The following CTNND2 variants were observed in gnomAD, a reference collection of about 807,000 sequenced individuals.
The protein encoded by CTNND2 is catenin delta-2.
In CTNND2, 22 loss-of-function variants were observed where a neutral mutation model predicts 144.4. The ratio of observed to expected loss-of-function variants is 0.15; its 90% confidence interval spans 0.11 to 0.22. CTNND2 has a LOEUF of 0.22. Ranked by LOEUF, CTNND2 falls within the 10% of genes least tolerant of loss-of-function variation. The pLI is 1.00. For missense variants in CTNND2, 1,353 were observed against 1,618.8 expected, an observed-to-expected ratio of 0.84 and a Z score of 2.82; for synonymous variants, 751 against 695.6, an observed-to-expected ratio of 1.08 and a Z score of -1.25.
intron 21 of CTNND2, among the ~76,000 whole-genome samples, chr5:10,980,287 A>G (rs1289287209): frequency 6.6e-6 from 1 of 152,240 alleles, no homozygotes; most frequent in Non-Finnish European, 1.5e-5. Context: ...GCCAACAGAC[A>G]TATGAAAAAA....
At chr5:11,452,955 T>A (rs1025106471) in intron 3 of CTNND2, among the ~76,000 whole-genome samples, 1 of 152,226 alleles carries the variant, frequency 6.6e-6, no homozygotes, top group Non-Finnish European at 1.5e-5. Flanking sequence ...TCAGTGTTAC[T>A]CATTGATGGC....
intron 1 of CTNND2, among the ~76,000 whole-genome samples, chr5:11,861,997 C>T (rs929256819): frequency 3.9e-5 from 6 of 152,172 alleles, no homozygotes; most frequent in Non-Finnish European, 7.4e-5. Flanking sequence ...TCCAACAATG[C>T]CCCTATCATT....
intron 11 of CTNND2, among the ~76,000 whole-genome samples, chr5:11,169,260 A>C (rs931644339): frequency 1.3e-5 from 2 of 152,114 alleles, no homozygotes; most frequent in Non-Finnish European, 2.9e-5. Flanking sequence ...CTTTCAAGGG[A>C]GCATTTTAGA....
intron 2 of CTNND2, among the ~76,000 whole-genome samples, chr5:11,596,764 T>C (rs73054076): frequency 0.047 from 7,182 of 152,200 alleles, 286 homozygotes; most frequent in East Asian, 0.14. Flanking sequence ...GGTGCTGCCT[T>C]GGAGGTGAGG....
intron 2 of CTNND2, among the ~76,000 whole-genome samples, chr5:11,698,288 A>T (rs959171228): frequency 1.6e-4 from 22 of 140,528 alleles, no homozygotes; most frequent in South Asian, 6.8e-4. Flanking sequence ...ACACATTATT[A>T]TTTTTTTTTT....
intron 2 of CTNND2, among the ~76,000 whole-genome samples, chr5:11,587,872 G>A (rs1581568196): frequency 6.6e-6 from 1 of 151,402 alleles, no homozygotes; most frequent in East Asian, 1.9e-4. Context: ...TTCAATCACT[G>A]GTTTCAAAAA....
chr5:11,384,424 G>A lies in CTNND2; in HGVS notation c.1177+241C>T, dbSNP rs7735191. On this transcript the variant is annotated intron_variant, in intron 7 of 21. Transcript: ENST00000304623. The surrounding 1 kb of genome is among the most constrained non-coding windows in gnomAD (Gnocchi z 5.2). ...GAGGGCAGAGAGAGAAGAGAGGAGA[G>A]AAGAGAGTGATATAGGTGTTAGAGA... 2,080 of 547,846 alleles carry A rather than the reference G, an allele frequency of 3.8e-3. 17 individuals carry two copies. Among genetic ancestry groups the A allele is most frequent in the African/African-American group, 0.031 (1,616 of 52,272 alleles). The allele number at this position is 547,846 out of a possible 1,614,324, so 33.9% of individuals were successfully genotyped here.
chr5:11,645,103 C>T (rs1288778819), intron 2 of CTNND2, among the ~76,000 whole-genome samples: 8 of 152,014 alleles, frequency 5.3e-5, no homozygotes, highest in Non-Finnish European at 1.0e-4. Flanking sequence ...ATGGCTGGGA[C>T]TATAAGCGTG....
intron 2 of CTNND2, among the ~76,000 whole-genome samples, chr5:11,711,027 C>T (rs181776337): frequency 6.6e-6 from 1 of 152,148 alleles, no homozygotes; most frequent in African/African-American, 2.4e-5. Flanking sequence ...AAAGAGAAAT[C>T]ACTGAGATTC....
chr5:11,428,166 A>G (rs767501887), intron 3 of CTNND2, among the ~76,000 whole-genome samples: 9 of 152,130 alleles, frequency 5.9e-5, no homozygotes, highest in Non-Finnish European at 1.3e-4. Context: ...TCAAGTTGAG[A>G]CTTGGTGGGG....
chr5:10,986,001 C>G (rs1737898174), intron 20 of CTNND2, among the ~76,000 whole-genome samples: 1 of 152,100 alleles, frequency 6.6e-6, no homozygotes, highest in Non-Finnish European at 1.5e-5. Context: ...TACATAGCAC[C>G]CATTGGCTTT....
chr5:11,014,118 G>A (rs967237927), intron 18 of CTNND2, among the ~76,000 whole-genome samples: 6 of 152,204 alleles, frequency 3.9e-5, no homozygotes, highest in African/African-American at 1.4e-4. Flanking sequence ...CCCAACCAAT[G>A]CAACTACTTC....
chr5:11,537,234 G>T lies in CTNND2; in HGVS notation c.287+27710C>A, dbSNP rs186148789. ...AATTAATTTGACAAATTTGGGAAAG[G>T]CTGGCTCACAGCTATAAAGCACCAC... On this transcript the variant is annotated intron_variant, in intron 3 of 21. Coordinates refer to ENST00000304623, the MANE Select transcript of CTNND2 (RefSeq NM_001332.4). 2.0e-5 allele frequency among the ~76,000 whole-genome samples: 3 copies of T among 152,202 alleles called. No individual in the cohort carries two copies. The East Asian group carries it at 5.8e-4, about 29-fold the overall frequency.
intron 9 of CTNND2, among the ~76,000 whole-genome samples, chr5:11,308,720 A>G (rs149502722): frequency 3.3e-5 from 5 of 152,324 alleles, no homozygotes; most frequent in Non-Finnish European, 7.3e-5. Context: ...GCAAATCCAG[A>G]CAACATTTTT....
At chr5:11,737,635 A>G (rs565235948) in intron 1 of CTNND2, among the ~76,000 whole-genome samples, 1 of 152,288 alleles carries the variant, frequency 6.6e-6, no homozygotes, top group Admixed American at 6.5e-5. Flanking sequence ...AGTGTTACGG[A>G]CAGAACTGTG....
At chr5:11,016,628 A>G (rs1741629756) in intron 18 of CTNND2, among the ~76,000 whole-genome samples, 1 of 152,186 alleles carries the variant, frequency 6.6e-6, no homozygotes. Context: ...GCAAGTGGCC[A>G]GGGGGCTGCA....
chr5:11,094,114 A>C (rs1274315780), intron 15 of CTNND2, among the ~76,000 whole-genome samples: 6 of 152,220 alleles, frequency 3.9e-5, no homozygotes, highest in Non-Finnish European at 7.3e-5. Flanking sequence ...AATATTACTT[A>C]TCAGCCTCTC....
intron 7 of CTNND2, among the ~76,000 whole-genome samples, chr5:11,372,627 T>G (rs1048549500): frequency 6.6e-6 from 1 of 151,986 alleles, no homozygotes; most frequent in African/African-American, 2.4e-5. Flanking sequence ...AACCAATATC[T>G]GTTCTGGGTT....
At position 11,648,873 on chromosome 5, in the gene CTNND2, T is replaced by A. The variant is rs2126529664; in HGVS notation, c.174+83263A>T. Among the ~76,000 whole-genome samples, 2 of 152,350 alleles carry A rather than the reference T, an allele frequency of 1.3e-5. 1 individual carries two copies. The highest frequency in any genetic ancestry group is 4.1e-4 in the South Asian group (2 of 4,822). Reference sequence around the variant, plus strand: ...AAGATCTTTATGCGTTACTGTGTATTGTTACTGTAATCTGATTTCATATTT... The same window carrying A: ...AAGATCTTTATGCGTTACTGTGTATAGTTACTGTAATCTGATTTCATATTT... On this transcript the variant is annotated intron_variant, in intron 2 of 21. Coordinates refer to ENST00000304623, the MANE Select transcript of CTNND2 (RefSeq NM_001332.4).
Sources: gnomAD v4.1 joint callset for allele counts (sites outside exome capture counted in the v4.1 genomes callset) on GRCh38, gnomAD v4.1.1 for gene constraint, Gnocchi (gnomAD v3.1) non-coding constraint, MANE v1.5 for transcripts, NCBI Gene and HGNC (gene_info 2026-07-23, HGNC 2026-07-21) for gene names.